The following WNT7A variants were observed in gnomAD, a reference collection of about 807,000 sequenced individuals.
WNT7A encodes the protein protein Wnt-7a.
WNT7A carries 16 observed loss-of-function variants against 28.2 expected under a neutral mutation model. The observed-to-expected ratio is 0.57, with a 90% CI of 0.38 to 0.86. The LOEUF (loss-of-function observed/expected upper bound fraction) is 0.86, where lower values mean the gene tolerates loss of function less well. WNT7A is among the 40% of genes least tolerant of loss of function. WNT7A has a pLI of 0.00. For synonymous variants in WNT7A, 190 were observed against 195.9 expected (o/e 0.97, Z 0.25); for missense variants, 411 against 489.7 (o/e 0.84, Z 1.52).
intron 3 of WNT7A, among the ~76,000 whole-genome samples, chr3:13,833,371 G>GCA (rs148818382): frequency 1.3e-5 from 2 of 151,858 alleles, no homozygotes; most frequent in East Asian, 1.9e-4. Context: ...GCACACAAGC[G>GCA]CACACACACA....
intron 1 of WNT7A, among the ~76,000 whole-genome samples, chr3:13,878,374 T>TGC (rs1695144557): frequency 6.6e-6 from 1 of 152,068 alleles, no homozygotes; most frequent in Non-Finnish European, 1.5e-5. Context: ...ATGCTGAATG[T>TGC]GCGCGGGGCG....
intron 2 of WNT7A, among the ~76,000 whole-genome samples, chr3:13,874,146 C>T (rs1695066677): frequency 6.6e-6 from 1 of 152,120 alleles, no homozygotes. Flanking sequence ...CAAAGATATC[C>T]AAGGCTGACC....
At chr3:13,827,760 C>T (rs921898202) in intron 3 of WNT7A, among the ~76,000 whole-genome samples, 2 of 152,120 alleles carry the variant, frequency 1.3e-5, no homozygotes, top group African/African-American at 4.8e-5. Context: ...TGAGGGGCAT[C>T]GAATTTTAAA....
rs764556684 is a variant in WNT7A, at chr3:13,854,634, G to A, written c.468C>T (p.Ile156=). Residue 156 remains isoleucine (I), a synonymous_variant, in exon 3 of 4, where the codon ATC becomes ATT. Transcript: ENST00000285018. ...CCTTGGCGAAGCCGATGCCGTAGCG[G>A]ATGTCGGCAGAGCAGCCACCCCACT... The part of the protein sequence containing the change: ...GWKWGGCSAD[I]RYGIGFAKVF... 2 of 1,614,174 alleles carry A rather than the reference G, an allele frequency of 1.2e-6. No homozygotes were observed. Among genetic ancestry groups the A allele is most frequent in the South Asian group, 1.1e-5 (1 of 91,080 alleles).
chr3:13,850,745 G>T (rs1417362175), intron 3 of WNT7A, among the ~76,000 whole-genome samples: 1 of 152,110 alleles, frequency 6.6e-6, no homozygotes, highest in Non-Finnish European at 1.5e-5. Flanking sequence ...GGACTCGAAA[G>T]CCTGGCCTGC....
chr3:13,863,029 A>T (rs2124868218), intron 2 of WNT7A, among the ~76,000 whole-genome samples: 1 of 152,302 alleles, frequency 6.6e-6, no homozygotes. Flanking sequence ...TCACCTCTCA[A>T]GGCCTCAGTT....
chr3:13,857,698 A>G (rs1440997144), intron 2 of WNT7A, among the ~76,000 whole-genome samples: 1 of 152,112 alleles, frequency 6.6e-6, no homozygotes, highest in Non-Finnish European at 1.5e-5. Context: ...CACACTCGAG[A>G]GTATCAAACT....
In WNT7A at chr3:13,874,983, C is replaced by T. The variant is rs1695083638; in HGVS notation, c.262G>A (p.Gly88Arg). 1 of 1,614,190 alleles carries T rather than the reference C, an allele frequency of 6.2e-7. No individual in the cohort carries two copies. The highest frequency in any genetic ancestry group is 8.5e-7 in the Non-Finnish European group (1 of 1,180,046). The change falls in exon 2 of 4, where the codon GGA becomes AGA. Residue 88 changes from glycine to arginine, a missense_variant. Physicochemically the swap from Gly to Arg is moderately radical, Grantham distance 125. Coordinates refer to ENST00000285018, the MANE Select transcript of WNT7A (RefSeq NM_004625.4). ...TCCTTCCCGAAGACGGTGCGCTCTC[C>T]CAGTGCAGAGCAGTTCCAGCGGCCA... is the stretch of plus-strand genomic sequence containing the variant. ...RNGRWNCSAL[G>R]ERTVFGKELK...
At chr3:13,832,795 C>T (rs531162503) in intron 3 of WNT7A, among the ~76,000 whole-genome samples, 2 of 152,076 alleles carry the variant, frequency 1.3e-5, no homozygotes, top group African/African-American at 4.8e-5. Flanking sequence ...TAGGACAGGG[C>T]CCCTGGAATG....
chr3:13,856,457 G>A (rs959359666), intron 2 of WNT7A, among the ~76,000 whole-genome samples: 1 of 152,214 alleles, frequency 6.6e-6, no homozygotes, highest in African/African-American at 2.4e-5. Context: ...GGTCGGGAAA[G>A]GGTATTATTT....
chr3:13,836,644 T>C (rs1388551253), intron 3 of WNT7A, among the ~76,000 whole-genome samples: 1 of 152,120 alleles, frequency 6.6e-6, no homozygotes, highest in African/African-American at 2.4e-5. Context: ...GGACAAAGTC[T>C]CTGTCTTCAA....
chr3:13,872,002 G>A (rs752582497), intron 2 of WNT7A, among the ~76,000 whole-genome samples: 21 of 151,944 alleles, frequency 1.4e-4, no homozygotes, highest in Non-Finnish European at 2.2e-4. Flanking sequence ...CCCCAAGCAC[G>A]TTCCACCTCA....
intron 3 of WNT7A, among the ~76,000 whole-genome samples, chr3:13,837,073 G>A (rs1489814623): frequency 6.6e-6 from 1 of 152,116 alleles, no homozygotes; most frequent in Non-Finnish European, 1.5e-5. Flanking sequence ...GGGGGTGTGG[G>A]CAGTTACCGG....
chr3:13,824,301 G>A (rs1694160942), intron 3 of WNT7A, among the ~76,000 whole-genome samples: 1 of 152,216 alleles, frequency 6.6e-6, no homozygotes, highest in East Asian at 1.9e-4. Flanking sequence ...TGCTGTCTTT[G>A]TAGATCTGTC....
intron 2 of WNT7A, among the ~76,000 whole-genome samples, chr3:13,868,362 G>A (rs1012332618): frequency 2.3e-4 from 35 of 151,720 alleles, no homozygotes; most frequent in African/African-American, 7.7e-4. Flanking sequence ...GTGAGGTGGT[G>A]TGTGCCTGTA....
chr3:13,834,723 T>C (rs1694338472), intron 3 of WNT7A, among the ~76,000 whole-genome samples: 1 of 152,130 alleles, frequency 6.6e-6, no homozygotes, highest in Non-Finnish European at 1.5e-5. Flanking sequence ...TGCTCAAATC[T>C]CACCTTCCCT....
At chr3:13,855,426 C>T (rs889077353) in intron 2 of WNT7A, among the ~76,000 whole-genome samples, 3 of 152,212 alleles carry the variant, frequency 2.0e-5, no homozygotes, top group African/African-American at 7.2e-5. Context: ...TGGAACCTGA[C>T]TGCACCCTAC....
intron 3 of WNT7A, among the ~76,000 whole-genome samples, chr3:13,837,613 G>A (rs963774198): frequency 2.0e-5 from 3 of 152,154 alleles, no homozygotes; most frequent in Admixed American, 2.0e-4. Context: ...CTTTCATGGT[G>A]GGTTATTGTA....
At chr3:13,832,653 C>CT (rs111520215) in intron 3 of WNT7A, among the ~76,000 whole-genome samples, 78 of 148,366 alleles carry the variant, frequency 5.3e-4, no homozygotes, top group Non-Finnish European at 6.6e-4. Flanking sequence ...GAAAAAATGG[C>CT]TTTTTTTTTT....
Sources: gnomAD v4.1 joint callset for allele counts (sites outside exome capture counted in the v4.1 genomes callset) on GRCh38, gnomAD v4.1.1 for gene constraint, MANE v1.5 for transcripts, NCBI Gene and HGNC (gene_info 2026-07-23, HGNC 2026-07-21) for gene names.